Variants in COA1 observed in about 807,000 individuals in gnomAD.
COA1 encodes the protein cytochrome c oxidase assembly factor 1 homolog.
In COA1, 13 loss-of-function variants were observed where a neutral mutation model predicts 16.0. The observed-to-expected ratio is 0.81, with a 90% CI of 0.53 to 1.29. COA1 has a LOEUF of 1.29. COA1 is among the 50% of genes most tolerant of loss of function. COA1 has a pLI of 0.00. For synonymous variants in COA1, 65 were observed against 65.7 expected (o/e 0.99, Z 0.05); for missense variants, 179 against 177.0 (o/e 1.01, Z -0.06).
intron 1 of COA1, among the ~76,000 whole-genome samples, chr7:43,727,477 A>G (rs1421571220): frequency 6.6e-6 from 1 of 152,244 alleles, no homozygotes; most frequent in Non-Finnish European, 1.5e-5. Flanking sequence ...CCAAACGTCC[A>G]CTAACTAATG....
intron 1 of COA1, among the ~76,000 whole-genome samples, chr7:43,652,060 G>A (rs181376352): frequency 4.7e-4 from 71 of 152,264 alleles, no homozygotes; most frequent in African/African-American, 1.4e-3. Flanking sequence ...AATTGACAGC[G>A]GAAAGACCCA....
At chr7:43,623,009 A>T (rs1331185512) in intron 6 of COA1, 1 of 152,410 alleles carries the variant, frequency 6.6e-6, no homozygotes, top group Admixed American at 6.5e-5. Flanking sequence ...TCTCAATTCT[A>T]TAGATGCAAC....
intron 1 of COA1, among the ~76,000 whole-genome samples, chr7:43,725,881 T>C (rs1000257740): frequency 1.3e-5 from 2 of 149,974 alleles, no homozygotes; most frequent in Admixed American, 6.7e-5. Context: ...ATATTATATA[T>C]ATACTATATA....
chr7:43,648,439 T>C (rs546181480), intron 2 of COA1, 161 bp downstream of exon 2: 29 of 793,914 alleles, frequency 3.7e-5, no homozygotes, highest in African/African-American at 1.0e-4. Context: ...TGGGAAACAA[T>C]GCAGAAAATG....
At chr7:43,666,332 T>C (rs2092886924) in intron 1 of COA1, among the ~76,000 whole-genome samples, 1 of 152,220 alleles carries the variant, frequency 6.6e-6, no homozygotes, top group Admixed American at 6.5e-5. Flanking sequence ...GATCTGTCTT[T>C]GCCTTCAGCT....
intron 1 of COA1, among the ~76,000 whole-genome samples, chr7:43,683,951 C>A (rs2093893824): frequency 6.6e-6 from 1 of 152,130 alleles, no homozygotes. Flanking sequence ...TTTGAGGTCA[C>A]AACTGAAAAG....
At chr7:43,662,341 T>C (rs981338649) in intron 1 of COA1, among the ~76,000 whole-genome samples, 1 of 152,260 alleles carries the variant, frequency 6.6e-6, no homozygotes, top group African/African-American at 2.4e-5. Context: ...GCAATTCTCC[T>C]GCCTCAGCCT....
At chr7:43,672,418 C>T (rs1346302839) in intron 1 of COA1, among the ~76,000 whole-genome samples, 1 of 152,144 alleles carries the variant, frequency 6.6e-6, no homozygotes, top group African/African-American at 2.4e-5. Context: ...AAAACAAAAA[C>T]CACATGATCA....
At chr7:43,610,698 A>AG (rs1206552009) in intron 6 of COA1, among the ~76,000 whole-genome samples, 1 of 152,134 alleles carries the variant, frequency 6.6e-6, no homozygotes, top group Non-Finnish European at 1.5e-5. Flanking sequence ...CACATTCCGT[A>AG]ATACCTTTGT....
At chr7:43,623,971 G>C in intron 6 of COA1, 6 of 1,015,188 alleles carry the variant, frequency 5.9e-6, no homozygotes, top group Non-Finnish European at 7.8e-6. Context: ...GTTTTTTCTT[G>C]AATCTCCTCC....
At chr7:43,688,926 C>CT (rs1016990761) in intron 1 of COA1, among the ~76,000 whole-genome samples, 1 of 152,024 alleles carries the variant, frequency 6.6e-6, no homozygotes, top group Non-Finnish European at 1.5e-5. Context: ...AAAATGTAAT[C>CT]TTTTTTTTCA....
intron 1 of COA1, among the ~76,000 whole-genome samples, chr7:43,662,873 A>G (rs7787554): frequency 0.43 from 65,873 of 152,048 alleles, 14,735 homozygotes; most frequent in African/African-American, 0.55. Context: ...CCAAGGTCTC[A>G]AAACTCAGGC....
chr7:43,643,639 G>T (rs997311982), intron 4 of COA1, among the ~76,000 whole-genome samples: 8 of 152,172 alleles, frequency 5.3e-5, no homozygotes, highest in African/African-American at 9.7e-5. Flanking sequence ...CTGTTACCAA[G>T]TTCTGTCACT....
intron 3 of COA1, chr7:43,646,726 T>G: frequency 2.4e-6 from 1 of 418,160 alleles, no homozygotes; most frequent in South Asian, 1.7e-5. Flanking sequence ...AACGCTCATC[T>G]CAGGCCCCCT....
intron 5 of COA1, 97 bp downstream of exon 5, chr7:43,640,476 C>A: frequency 1.1e-6 from 1 of 896,232 alleles, no homozygotes; most frequent in Non-Finnish European, 1.8e-6. Flanking sequence ...CTTCCTATGC[C>A]CACAGTAATT....
chr7:43,649,951 A>G (rs566096727), intron 1 of COA1: 1 of 152,454 alleles, frequency 6.6e-6, no homozygotes, highest in African/African-American at 2.4e-5. Flanking sequence ...TTCACAGAGG[A>G]AGTTTACCTT....
At chr7:43,634,905 G>A (rs543089702), downstream of COA1, among the ~76,000 whole-genome samples, 4 of 152,256 alleles carry the variant, frequency 2.6e-5, no homozygotes, top group African/African-American at 9.6e-5. Context: ...GAAAACCCAG[G>A]GAAATCGATG....
chr7:43,642,665 T>C (rs772132656), intron 4 of COA1, among the ~76,000 whole-genome samples: 4 of 152,186 alleles, frequency 2.6e-5, no homozygotes, highest in Non-Finnish European at 5.9e-5. Context: ...GTCTGAACTG[T>C]GGGCAGCTGT....
In COA1 at chr7:43,727,225, G is replaced by A. The variant is rs1422781743; in HGVS notation, c.-39+2204C>T. Among the ~76,000 whole-genome samples the A allele has an allele frequency of 3.9e-5, 6 of 152,152 alleles. No individual in the cohort carries two copies. The South Asian group carries it at 8.3e-4, about 21-fold the overall frequency. ...AGAAAGACAGATAATGACAAGTGTT[G>A]GCAAGGAGTGAGAAATCAAAACCCT... On this transcript the variant is annotated intron_variant, in intron 1 of 5. Coordinates refer to ENST00000223336, the MANE Select transcript of COA1 (RefSeq NM_018224.4).
Sources: allele counts gnomAD v4.1 joint callset (sites outside exome capture counted in the v4.1 genomes callset), GRCh38; gene constraint gnomAD v4.1.1; transcripts MANE v1.5; gene names NCBI Gene and HGNC (gene_info 2026-07-23, HGNC 2026-07-21).